TLCD3A: variants seen among roughly 807,000 people sequenced by gnomAD.
TLCD3A encodes the protein TLC domain-containing protein 3A.
Under a neutral mutation model 29.9 loss-of-function variants are expected in TLCD3A, and 17 were observed. The observed-to-expected ratio is 0.57, with a 90% CI of 0.39 to 0.85. The LOEUF (loss-of-function observed/expected upper bound fraction) is 0.85. Ranked by LOEUF, TLCD3A falls within the 40% of genes least tolerant of loss-of-function variation. The pLI is 0.00. For synonymous variants in TLCD3A, 143 were observed against 147.7 expected (o/e 0.97, Z 0.23); for missense variants, 332 against 350.8 (o/e 0.95, Z 0.43).
At chr17:739,492 A>G (rs1015053563) in intron 3 of TLCD3A, among the ~76,000 whole-genome samples, 1 of 151,710 alleles carries the variant, frequency 6.6e-6, no homozygotes, top group Admixed American at 6.6e-5. Context: ...CTTGGCCGGC[A>G]TGTAGTTTTA....
chr17:732,621 A>T lies in TLCD3A; in HGVS notation c.-27A>T, dbSNP rs1306731090. ...GAGCCGAACCCAGCCACGCGGCGCC[A>T]GCGAGGCGGCCGGACCCGCAGCCCC... On this transcript the variant is annotated 5_prime_UTR_variant, in exon 1 of 5. Transcript: ENST00000308278. 7.4e-6 allele frequency: 9 copies of T among 1,222,136 alleles called. No individual in the cohort carries two copies. Among genetic ancestry groups the T allele is most frequent in the Non-Finnish European group, 9.2e-6 (9 of 982,302 alleles). 75.7% of individuals were successfully genotyped at this position (1,222,136 alleles called of 1,614,324 possible).
In TLCD3A at chr17:741,739, T is replaced by C. The variant is rs1336215944; in HGVS notation, c.*169T>C. On this transcript the variant is annotated 3_prime_UTR_variant, in exon 5 of 5. Transcript: ENST00000308278. ...ACCTCCTTCTTCTAACTTGCCCTAT[T>C]TGCAAAAGCACTTTTGTAGTAACAA... 2 of 824,950 alleles carry C rather than the reference T, an allele frequency of 2.4e-6. No individual in the cohort carries two copies. Among genetic ancestry groups the C allele is most frequent in the Non-Finnish European group, 3.7e-6 (2 of 541,488 alleles). 51.1% of individuals were successfully genotyped at this position (824,950 alleles called of 1,614,324 possible). A position where few individuals can be genotyped will look rare whatever the true frequency, so the allele number is the denominator to read the frequency against.
Position 737,894 on chromosome 17 carries a change from C to G in TLCD3A, c.255C>G (p.Ile85Met), listed in dbSNP as rs199868344. The G allele has an allele frequency of 6.2e-6, 10 of 1,614,110 alleles. No individual in the cohort carries two copies. The East Asian group carries it at 2.0e-4, about 32-fold the overall frequency. Residue 85 changes from isoleucine to methionine, a missense_variant, in exon 3 of 5, where the codon ATC (isoleucine) becomes ATG (methionine). By Grantham distance (10) the Ile-to-Met change is conservative (BLOSUM62 1). Coordinates refer to ENST00000308278, the MANE Select transcript of TLCD3A (RefSeq NM_024792.3). Reference sequence around the variant, plus strand: ...TGTGGTTTCTGATTCCATACATGATCTATGACTCGTACGCCATGTACCTCT... The same window carrying G: ...TGTGGTTTCTGATTCCATACATGATGTATGACTCGTACGCCATGTACCTCT... ...EYVWFLIPYM[I>M]YDSYAMYLCE...
intron 2 of TLCD3A, among the ~76,000 whole-genome samples, chr17:736,905 T>C (rs7210404): frequency 0.25 from 38,034 of 152,088 alleles, 4,951 homozygotes; most frequent in Non-Finnish European, 0.27. Context: ...TCACCTGCCT[T>C]GGCCTCCCAA....
At chr17:740,392 T>C (rs1385097811) in intron 3 of TLCD3A, 113 bp from the exon 4 acceptor site, 8 of 792,270 alleles carry the variant, frequency 1.0e-5, no homozygotes, top group African/African-American at 1.7e-5. Context: ...CGCTTGCCTA[T>C]TGAGCGTCCT....
chr17:740,467 C>T (rs1974231858), intron 3 of TLCD3A, 38 bp from the exon 4 acceptor site: 19 of 1,506,206 alleles, frequency 1.3e-5, no homozygotes, highest in Non-Finnish European at 1.7e-5. Context: ...GGTTTCTTAA[C>T]CTCCACTTAC....
In TLCD3A at chr17:732,767, C is replaced by T; in HGVS notation, c.120C>T (p.Thr40=). Residue 40 remains threonine (T), a splice_region_variant and synonymous_variant, in exon 1 of 5, where the codon ACC becomes ACT. Transcript: ENST00000308278. ...GCACCGACTGCGTGATGATCAGCAC[C>T]AGGTACCGGCGCCGCCGAGACGCCC... is the stretch of plus-strand genomic sequence containing the variant. ...WSRTDCVMIS[T]RLVSSVHAVL... is the part of the protein sequence containing the mutation. 1.4e-6 allele frequency: 2 copies of T among 1,450,644 alleles called. No individual in the cohort carries two copies. The highest frequency in any genetic ancestry group is 1.8e-6 in the Non-Finnish European group (2 of 1,103,614). The allele number at this position is 1,450,644 out of a possible 1,614,324, so 89.9% of individuals were successfully genotyped here.
chr17:737,895 T>C lies in TLCD3A; in HGVS notation c.256T>C (p.Tyr86His). 1 of 1,614,146 alleles carries C rather than the reference T, an allele frequency of 6.2e-7. No homozygotes were observed. The highest frequency in any genetic ancestry group is 8.5e-7 in the Non-Finnish European group (1 of 1,180,016). Residue 86 changes from tyrosine (Y) to histidine (H), a missense_variant, in exon 3 of 5, where the codon TAT (tyrosine) becomes CAT (histidine). Physicochemically the swap from Tyr to His is moderately conservative, Grantham distance 83. Coordinates refer to ENST00000308278, the MANE Select transcript of TLCD3A (RefSeq NM_024792.3). ...YVWFLIPYMI[Y>H]DSYAMYLCEW... ...GTGGTTTCTGATTCCATACATGATC[T>C]ATGACTCGTACGCCATGTACCTCTG...
intron 2 of TLCD3A, among the ~76,000 whole-genome samples, chr17:734,194 T>C (rs75270527): frequency 0.027 from 4,091 of 151,942 alleles, 210 homozygotes; most frequent in African/African-American, 0.094. Flanking sequence ...TCTTCTTCTT[T>C]TTTTTTTAAA....
chr17:732,802 CG>C (rs1309378469), intron 1 of TLCD3A, 33 bp downstream of exon 1: 3 of 1,430,572 alleles, frequency 2.1e-6, no homozygotes, highest in East Asian at 3.1e-5. Context: ...CCCCGAGGCC[CG>C]GGGCGCTGCC....
At chr17:734,328 C>CT (rs140173564) in intron 2 of TLCD3A, among the ~76,000 whole-genome samples, 31,364 of 146,296 alleles carry the variant, frequency 0.21, 3,794 homozygotes, top group Non-Finnish European at 0.28. Context: ...AAATTTTTTA[C>CT]TTTTTTTTTT....
rs1223260848 is a variant in TLCD3A at position 738,009 on chromosome 17, C to T, written c.370C>T (p.His124Tyr). The T allele has an allele frequency of 1.2e-6, 2 of 1,607,130 alleles. No homozygotes were observed. The highest frequency in any genetic ancestry group is 2.3e-5 in the East Asian group (1 of 44,424). The change falls in exon 3 of 5, where the codon CAT (histidine) becomes TAT (tyrosine). Residue 124 changes from histidine (H) to tyrosine (Y), a missense_variant. Physicochemically the swap from His to Tyr is moderately conservative, Grantham distance 83. Transcript: ENST00000308278. ...TCGAAACCGCCTCATGATCACACAT[C>T]ATGCGGTCATTCTCTTTGTCCTTGT... ...LSRNRLMITH[H>Y]AVILFVLVPV...
chr17:738,430 GGATTGCC>G (rs1974198815), intron 3 of TLCD3A, among the ~76,000 whole-genome samples: 1 of 151,476 alleles, frequency 6.6e-6, no homozygotes, highest in Non-Finnish European at 1.5e-5. Flanking sequence ...TTAGGAGTCG[GGATTGCC>G]CCTCTTTTCT....
intron 3 of TLCD3A, among the ~76,000 whole-genome samples, 181 bp from the exon 4 acceptor site, chr17:740,324 T>C (rs1974228434): frequency 6.6e-6 from 1 of 152,220 alleles, no homozygotes; most frequent in Admixed American, 6.5e-5. Context: ...TGCCTCTGGA[T>C]CCTAGGGCTT....
In TLCD3A at chr17:733,086, C is replaced by T. The variant is rs930167186; in HGVS notation, c.123-12C>T. ...GACTGAGCGCGCGCGCTGTTCTCTC[C>T]GCCCGCGCTAGGCTGGTTTCCTCGG... On this transcript the variant is annotated splice_polypyrimidine_tract_variant and intron_variant, in intron 1 of 4. Transcript: ENST00000308278. The T allele has an allele frequency of 1.9e-6, 3 of 1,574,300 alleles. No individual in the cohort carries two copies. Among genetic ancestry groups the T allele is most frequent in the African/African-American group, 1.4e-5 (1 of 73,586 alleles).
In TLCD3A at chr17:732,635, A is replaced by G; in HGVS notation, c.-13A>G. On this transcript the variant is annotated 5_prime_UTR_variant, in exon 1 of 5. Coordinates refer to ENST00000308278, the MANE Select transcript of TLCD3A (RefSeq NM_024792.3). ...CACGCGGCGCCAGCGAGGCGGCCGG[A>G]CCCGCAGCCCCGATGCTGCTGACGC... The G allele has an allele frequency of 1.6e-6, 2 of 1,254,248 alleles. No individual in the cohort carries two copies. The highest frequency in any genetic ancestry group is 4.1e-5 in the Admixed American group (1 of 24,246). The allele number at this position is 1,254,248 out of a possible 1,614,324, so 77.7% of individuals were successfully genotyped here. A position where few individuals can be genotyped will look rare whatever the true frequency, so the allele number is the denominator to read the frequency against.
At position 741,364 on chromosome 17, in the gene TLCD3A, T is replaced by C. The variant is rs758880041; in HGVS notation, c.568T>C (p.Ser190Pro). ...NGILTLATFL[S>P]CRILLFPFMY... ...AATCCTCACGCTGGCCACCTTCCTT[T>C]CCTGCCGGATCCTTCTCTTCCCCTT... Residue 190 changes from serine (S) to proline (P), a missense_variant, in exon 5 of 5, where the codon TCC becomes CCC. Physicochemically the swap from Ser to Pro is moderately conservative, Grantham distance 74. Transcript: ENST00000308278. 1.9e-6 allele frequency: 3 copies of C among 1,614,196 alleles called. No homozygotes were observed. Among genetic ancestry groups the C allele is most frequent in the Non-Finnish European group, 1.7e-6 (2 of 1,180,024 alleles).
Position 741,436 on chromosome 17 carries a change from G to A in TLCD3A, c.640G>A (p.Val214Ile). The change falls in exon 5 of 5, where the codon GTA (valine) becomes ATA (isoleucine). Residue 214 changes from valine to isoleucine, a missense_variant. Coordinates refer to ENST00000308278, the MANE Select transcript of TLCD3A (RefSeq NM_024792.3). ...CCAGCAGGGACTAAGCCTGCTCCAA[G>A]TACCCTTCAGCATCCCATTCTACTG... ...GRQQGLSLLQ[V>I]PFSIPFYCNV... 2 of 1,614,166 alleles carry A rather than the reference G, an allele frequency of 1.2e-6. No individual in the cohort carries two copies. The highest frequency in any genetic ancestry group is 1.7e-6 in the Non-Finnish European group (2 of 1,180,038).
intron 2 of TLCD3A, among the ~76,000 whole-genome samples, chr17:734,722 A>G (rs749891842): frequency 2.0e-5 from 3 of 152,172 alleles, no homozygotes; most frequent in Admixed American, 6.5e-5. Context: ...GGAGTTAAAA[A>G]TCCCCCCAAA....
Sources: allele counts gnomAD v4.1 joint callset (sites outside exome capture counted in the v4.1 genomes callset), GRCh38; gene constraint gnomAD v4.1.1; transcripts MANE v1.5; gene names NCBI Gene and HGNC (gene_info 2026-07-23, HGNC 2026-07-21).